SAP130: variants seen among roughly 807,000 people sequenced by gnomAD.
SAP130 encodes Sin3A associated protein 130.
SAP130 carries 16 observed loss-of-function variants against 103.2 expected under a neutral mutation model. The observed-to-expected ratio is 0.16, with a 90% CI of 0.10 to 0.24. SAP130 has a LOEUF of 0.24. Ranked by LOEUF, SAP130 falls within the 10% of genes least tolerant of loss-of-function variation. SAP130 has a pLI of 1.00. For synonymous variants in SAP130, 477 were observed against 497.0 expected (o/e 0.96, Z 0.53); for missense variants, 990 against 1,359.7 (o/e 0.73, Z 4.28).
At chr2:127,954,904 C>G (rs1679722738) in intron 16 of SAP130, 82 bp downstream of exon 16, 1 of 1,116,614 alleles carries the variant, frequency 9.0e-7, no homozygotes, top group East Asian at 2.4e-5. Context: ...CTGAGGGTTA[C>G]AGAAGAATCT....
intron 2 of SAP130, among the ~76,000 whole-genome samples, chr2:128,024,550 C>G (rs72841731): frequency 6.6e-6 from 1 of 151,634 alleles, no homozygotes; most frequent in African/African-American, 2.4e-5. Flanking sequence ...CCCCTCTTTA[C>G]AAAAAAATTT....
intron 7 of SAP130, among the ~76,000 whole-genome samples, chr2:128,003,496 T>C (rs1683721597): frequency 6.8e-6 from 1 of 146,768 alleles, no homozygotes; most frequent in Non-Finnish European, 1.5e-5. Context: ...GGGTTCAAGG[T>C]CTCCTCCCAC....
intron 13 of SAP130, among the ~76,000 whole-genome samples, chr2:127,987,223 T>TGAA (rs1471341214): frequency 6.6e-6 from 1 of 152,194 alleles, no homozygotes; most frequent in Non-Finnish European, 1.5e-5. Flanking sequence ...CTTGCTCTCT[T>TGAA]GCCCAGGCTG....
At chr2:128,007,308 T>C (rs1410703500) in intron 7 of SAP130, among the ~76,000 whole-genome samples, 2 of 152,208 alleles carry the variant, frequency 1.3e-5, no homozygotes, top group Non-Finnish European at 2.9e-5. Flanking sequence ...GCAGGCATCA[T>C]AATAGGCACT....
intron 15 of SAP130, among the ~76,000 whole-genome samples, chr2:127,962,922 T>A (rs1025206385): frequency 7.3e-5 from 11 of 151,186 alleles, no homozygotes; most frequent in African/African-American, 2.2e-4. Context: ...CTTGATGTCA[T>A]AGAATAAACT....
chr2:127,946,282 G>A (rs1476882758), intron 18 of SAP130, among the ~76,000 whole-genome samples: 1 of 152,180 alleles, frequency 6.6e-6, no homozygotes, highest in East Asian at 1.9e-4. Flanking sequence ...GGAATTGGGG[G>A]AGATTTGTGA....
chr2:127,976,917 A>G (rs1211319933), intron 15 of SAP130, among the ~76,000 whole-genome samples: 1 of 152,128 alleles, frequency 6.6e-6, no homozygotes, highest in East Asian at 1.9e-4. Flanking sequence ...ACGAACAAAC[A>G]AAAAGAATCT....
chr2:128,015,544 T>C (rs1485210376), intron 4 of SAP130, among the ~76,000 whole-genome samples: 5 of 152,104 alleles, frequency 3.3e-5, no homozygotes, highest in Non-Finnish European at 7.4e-5. Flanking sequence ...TTAGTTTTTT[T>C]CCCCAGGTAA....
intron 11 of SAP130, among the ~76,000 whole-genome samples, chr2:127,994,506 C>T (rs576453202): frequency 6.6e-6 from 1 of 152,214 alleles, no homozygotes; most frequent in African/African-American, 2.4e-5. Context: ...GTATGAGAAT[C>T]ACTTGAACCT....
chr2:128,015,327 T>C (rs1348423269), intron 4 of SAP130, among the ~76,000 whole-genome samples: 1 of 152,154 alleles, frequency 6.6e-6, no homozygotes, highest in Non-Finnish European at 1.5e-5. Context: ...TAAATGTCAG[T>C]TGGTATCCAA....
At chr2:128,016,043 C>T (rs910547636) in intron 4 of SAP130, among the ~76,000 whole-genome samples, 5 of 152,150 alleles carry the variant, frequency 3.3e-5, no homozygotes, top group Middle Eastern at 3.4e-3. Context: ...AGCAGCACTG[C>T]CTACCCCCGG....
rs957189554 is a variant in SAP130 at position 127,993,137 on chromosome 2, G to A, written c.1477+50C>T. 5 of 1,602,248 alleles carry A rather than the reference G, an allele frequency of 3.1e-6. No individual in the cohort carries two copies. In the African/African-American group the frequency reaches 5.4e-5, roughly 17 times the overall value. On this transcript the variant is annotated intron_variant, in intron 12 of 20. Coordinates refer to ENST00000643581, the MANE Select transcript of SAP130 (RefSeq NM_001330301.2). ...ACCCCTCATCAATTTCTACATTATT[G>A]TTGGCAAAAGTTAAACTGTGAAAAG... is the stretch of plus-strand genomic sequence containing the variant.
intron 15 of SAP130, among the ~76,000 whole-genome samples, chr2:127,968,390 C>T (rs1288985680): frequency 8.7e-5 from 13 of 149,438 alleles, no homozygotes; most frequent in South Asian, 2.1e-4. Flanking sequence ...AGATTACAGA[C>T]GTGAGCCACC....
intron 12 of SAP130, among the ~76,000 whole-genome samples, chr2:127,990,131 A>G (rs1682687022): frequency 6.6e-6 from 1 of 152,234 alleles, no homozygotes; most frequent in Admixed American, 6.5e-5. Flanking sequence ...ATCAGCTATT[A>G]AATTGCAAAT....
chr2:127,956,560 G>T (rs531876192), intron 15 of SAP130, among the ~76,000 whole-genome samples: 2 of 131,592 alleles, frequency 1.5e-5, no homozygotes, highest in Non-Finnish European at 3.2e-5. Context: ...GTCATGGGGT[G>T]GGGGGAGGGG....
At position 127,955,084 on chromosome 2, in the gene SAP130, G is replaced by A; in HGVS notation, c.2324C>T (p.Thr775Ile). The change falls in exon 16 of 21, where the codon ACT becomes ATT. Residue 775 changes from threonine (T) to isoleucine (I), a missense_variant. Around this residue, in one of 6 missense-constraint regions of SAP130, gnomAD observed 349 missense variants for 384.1 expected, o/e 0.91. Coordinates refer to ENST00000643581, the MANE Select transcript of SAP130 (RefSeq NM_001330301.2). The surrounding 1 kb of genome is among the most constrained non-coding windows in gnomAD (Gnocchi z 4.9). ...TIAAAPPPSV[T>I]VGGSLSSVLG... ...GACGGAGGAAAGACTGCCACCCACA[G>A]TGACTGATGGAGGTGGTGCAGCTGC... The A allele has an allele frequency of 6.2e-7, 1 of 1,614,198 alleles. No homozygotes were observed. The highest frequency in any genetic ancestry group is 1.3e-5 in the African/African-American group (1 of 75,054).
chr2:127,954,644 T>A (rs912641550), intron 16 of SAP130, among the ~76,000 whole-genome samples: 43 of 152,334 alleles, frequency 2.8e-4, no homozygotes, highest in African/African-American at 1.0e-3. Flanking sequence ...AAAGCCATAT[T>A]GTGCCTCCTT....
At chr2:128,021,446 CAA>C (rs774054953) in intron 2 of SAP130, among the ~76,000 whole-genome samples, 1 of 71,626 alleles carries the variant, frequency 1.4e-5, no homozygotes. Context: ...GACTCCATCT[CAA>C]AAAAAAAAAA....
At chr2:127,973,197 G>C (rs1027649035) in intron 15 of SAP130, among the ~76,000 whole-genome samples, 4 of 152,118 alleles carry the variant, frequency 2.6e-5, no homozygotes, top group African/African-American at 9.7e-5. Context: ...CACCAGCACG[G>C]ACTTCTACTT....
Sources: gnomAD v4.1 joint callset for allele counts (sites outside exome capture counted in the v4.1 genomes callset) on GRCh38, gnomAD v4.1.1 for gene constraint, gnomAD v4.1.1 regional missense constraint, Gnocchi (gnomAD v3.1) non-coding constraint, MANE v1.5 for transcripts, NCBI Gene and HGNC (gene_info 2026-07-23, HGNC 2026-07-21) for gene names.